The following KDM3A variants were observed in gnomAD, a reference collection of about 807,000 sequenced individuals.
KDM3A encodes the protein lysine demethylase 3A, also known as lysine-specific demethylase 3A.
A neutral mutation model predicts 158.0 loss-of-function variants in KDM3A; 60 were observed. The ratio of observed to expected loss-of-function variants is 0.38; its 90% CI spans 0.31 to 0.47. The LOEUF is 0.47. Among genes scored for constraint, KDM3A ranks in the 20% least tolerant of loss-of-function variants. The probability of loss-of-function intolerance (pLI) is 0.99; values close to 1 mark genes in which losing one functional copy is unlikely to be tolerated. For synonymous variants in KDM3A, 608 were observed against 549.3 expected, an observed-to-expected ratio of 1.11 and a Z score of -1.49; for missense variants, 1,319 against 1,574.3, an observed-to-expected ratio of 0.84 and a Z score of 2.74.
intron 8 of KDM3A, among the ~76,000 whole-genome samples, chr2:86,461,189 C>T (rs1235143820): frequency 6.6e-6 from 1 of 152,112 alleles, no homozygotes; most frequent in East Asian, 1.9e-4. Flanking sequence ...ACACCAAAAT[C>T]CAGTACTCTT....
intron 1 of KDM3A, among the ~76,000 whole-genome samples, chr2:86,441,695 T>G (rs1221699735): frequency 3.3e-5 from 5 of 150,948 alleles, no homozygotes; most frequent in Admixed American, 3.3e-4. Context: ...ACCAGGGGCC[T>G]TTTCTTTTCG....
chr2:86,441,062 T>C (rs1682673799), upstream of KDM3A: 1 of 152,156 alleles, frequency 6.6e-6, no homozygotes, highest in Non-Finnish European at 1.5e-5. Context: ...TCGCGGGACT[T>C]TTTTTTTGCA....
chr2:86,462,103 T>A (rs1476147083), intron 8 of KDM3A, among the ~76,000 whole-genome samples: 2 of 152,036 alleles, frequency 1.3e-5, no homozygotes, highest in Admixed American at 1.3e-4. Flanking sequence ...ATGGTAGTAG[T>A]AGTGACATGA....
At chr2:86,472,770 G>A (rs749650271) in intron 11 of KDM3A, among the ~76,000 whole-genome samples, 1 of 152,112 alleles carries the variant, frequency 6.6e-6, no homozygotes, top group South Asian at 2.1e-4. Context: ...AATACTGAAG[G>A]CTTTCAGCAG....
chr2:86,466,831 A>G lies in KDM3A; in HGVS notation c.1467A>G (p.Val489=). The G allele has an allele frequency of 6.2e-7, 1 of 1,611,476 alleles. No individual in the cohort carries two copies. The highest frequency in any genetic ancestry group is 8.5e-7 in the Non-Finnish European group (1 of 1,178,960). The stretch of plus-strand genomic sequence containing the variant: ...CACAGAATTTAAAGGAATCTTCAGT[A>G]AAAGTAGATAATGAAAGCTGTTGTT... ...CRSQNLKESS[V]KVDNESCCSR... The change falls in exon 10 of 26, where the codon GTA becomes GTG. Residue 489 remains valine (V), a synonymous_variant. Coordinates refer to ENST00000312912, the MANE Select transcript of KDM3A (RefSeq NM_018433.6).
At chr2:86,455,064 T>G in intron 4 of KDM3A, 21 bp from the exon 5 acceptor site, 1 of 1,372,660 alleles carries the variant, frequency 7.3e-7, no homozygotes, top group Non-Finnish European at 1.0e-6. Flanking sequence ...CCTTAACATG[T>G]AATGATCTTT....
intron 9 of KDM3A, among the ~76,000 whole-genome samples, chr2:86,465,843 C>G (rs773406230): frequency 2.7e-5 from 4 of 146,910 alleles, no homozygotes; most frequent in Non-Finnish European, 5.9e-5. Flanking sequence ...TGACTCTTGG[C>G]AAGTAGCAAG....
chr2:86,489,525 C>G lies in KDM3A; in HGVS notation c.3439C>G (p.Leu1147Val), dbSNP rs1573215545. 5 of 1,613,234 alleles carry G rather than the reference C, an allele frequency of 3.1e-6. No individual in the cohort carries two copies. The East Asian group carries it at 1.1e-4, about 36-fold the overall frequency. ...GCTTTCTCTTCTTGCTCTAGAAGTC[C>G]TTAAGACCATCCAAGATGGAGATTC... Reference protein sequence around the residue: ...KGQCEQEEEVLKTIQDGDSDE... With the variant: ...KGQCEQEEEVVKTIQDGDSDE... The change falls in exon 23 of 26, where the codon CTT becomes GTT. Residue 1147 changes from leucine to valine, a missense_variant. Coordinates refer to ENST00000312912, the MANE Select transcript of KDM3A (RefSeq NM_018433.6).
intron 4 of KDM3A, among the ~76,000 whole-genome samples, chr2:86,453,971 A>G (rs1352856978): frequency 6.6e-6 from 1 of 152,170 alleles, no homozygotes; most frequent in East Asian, 1.9e-4. Flanking sequence ...TCCTATTGAC[A>G]GTTTCTGTAT....
chr2:86,477,751 A>AT, intron 12 of KDM3A, 126 bp from the exon 13 acceptor site: 1 of 852,002 alleles, frequency 1.2e-6, no homozygotes, highest in South Asian at 1.8e-5. Context: ...AGCATTTGCA[A>AT]TGAAGCCTGA....
Position 86,485,722 on chromosome 2 carries a change from G to T in KDM3A, c.3183-7G>T, listed in dbSNP as rs747460170. 4 of 1,613,200 alleles carry T rather than the reference G, an allele frequency of 2.5e-6. No individual in the cohort carries two copies. The highest frequency in any genetic ancestry group is 3.4e-6 in the Non-Finnish European group (4 of 1,179,242). On this transcript the variant is annotated splice_polypyrimidine_tract_variant and splice_region_variant and intron_variant, in intron 20 of 25. Transcript: ENST00000312912. ...AACTTTGCAAATTCCTGGTTCTGTT[G>T]TTCTAGGTTTGATGATCTGATGGCC...
rs745590738 is a variant in KDM3A, at chr2:86,451,210, A to G, written c.450A>G (p.Ile150Met). ...TTTCTAAAGACCTTTTGAAGCCTAT[A>G]CAGGTAAAACATAGAAACAGTAGTA... Reference protein sequence around the residue: ...VFLSKDLLKPIQDVNSLRLSL... With the variant: ...VFLSKDLLKPMQDVNSLRLSL... Residue 150 changes from isoleucine (I) to methionine (M), a missense_variant, in exon 4 of 26, where the codon ATA (isoleucine) becomes ATG (methionine). Around this residue, in one of 4 missense-constraint regions of KDM3A, gnomAD observed 652 missense variants for 627.2 expected, o/e 1.04. Transcript: ENST00000312912. The G allele has an allele frequency of 1.2e-5, 18 of 1,563,772 alleles. No homozygotes were observed. In the Middle Eastern group the frequency reaches 5.1e-4, roughly 44 times the overall value.
Position 86,451,208 on chromosome 2 carries a change from A to C in KDM3A, c.448A>C (p.Ile150Leu). 1 of 1,578,270 alleles carries C rather than the reference A, an allele frequency of 6.3e-7. No homozygotes were observed. Among genetic ancestry groups the C allele is most frequent in the Non-Finnish European group, 8.6e-7 (1 of 1,158,368 alleles). ...VFLSKDLLKP[I>L]QDVNSLRLSL... ...TCTTTCTAAAGACCTTTTGAAGCCT[A>C]TACAGGTAAAACATAGAAACAGTAG... The change falls in exon 4 of 26, where the codon ATA (isoleucine) becomes CTA (leucine). Residue 150 changes from isoleucine to leucine, a missense_variant. Ile to Leu is a conservative substitution (Grantham distance 5). Around this residue, in one of 4 missense-constraint regions of KDM3A, gnomAD observed 652 missense variants for 627.2 expected, o/e 1.04. Transcript: ENST00000312912.
chr2:86,462,072 C>T (rs1357012120), intron 8 of KDM3A, among the ~76,000 whole-genome samples: 1 of 151,914 alleles, frequency 6.6e-6, no homozygotes, highest in Non-Finnish European at 1.5e-5. Flanking sequence ...TTGGTTAGGA[C>T]ATGTGTAGCT....
chr2:86,459,052 A>G (rs1672819435), intron 8 of KDM3A, among the ~76,000 whole-genome samples: 2 of 152,304 alleles, frequency 1.3e-5, no homozygotes, highest in Non-Finnish European at 1.5e-5. Context: ...AATCTAGCTA[A>G]TGAAGTAGGT....
At chr2:86,482,848 GC>G (rs1364268490) in intron 18 of KDM3A, 154 bp downstream of exon 18, 2 of 722,732 alleles carry the variant, frequency 2.8e-6, no homozygotes, top group Non-Finnish European at 4.6e-6. Flanking sequence ...TCAGGATGTG[GC>G]CATGGGTCTT....
At chr2:86,476,823 T>G (rs1673676965) in intron 12 of KDM3A, among the ~76,000 whole-genome samples, 2 of 152,334 alleles carry the variant, frequency 1.3e-5, no homozygotes, top group South Asian at 4.1e-4. Context: ...AACTAAAGCT[T>G]GGTCATTTGG....
At chr2:86,451,652 A>G (rs963650663) in intron 4 of KDM3A, among the ~76,000 whole-genome samples, 1 of 152,180 alleles carries the variant, frequency 6.6e-6, no homozygotes, top group Non-Finnish European at 1.5e-5. Context: ...TGCACAGTCC[A>G]CAACTGTGTT....
chr2:86,451,106 T>C lies in KDM3A; in HGVS notation c.346T>C (p.Tyr116His). 1 of 1,599,772 alleles carries C rather than the reference T, an allele frequency of 6.3e-7. No homozygotes were observed. Among genetic ancestry groups the C allele is most frequent in the East Asian group, 2.2e-5 (1 of 44,612 alleles). The change falls in exon 4 of 26, where the codon TAC (tyrosine) becomes CAC (histidine). Residue 116 changes from tyrosine (Y) to histidine (H), a missense_variant. Transcript: ENST00000312912. ...AAAGTGTTTTCTTTTGTTTTAGACGTACAAACCTCTGTTGGACAAAGCTGG... is the reference window on the plus strand; with the variant it reads ...AAAGTGTTTTCTTTTGTTTTAGACGCACAAACCTCTGTTGGACAAAGCTGG... ...ERIVQWPAIT[Y>H]KPLLDKAGLG...
Sources: allele counts gnomAD v4.1 joint callset (sites outside exome capture counted in the v4.1 genomes callset), GRCh38; gene constraint gnomAD v4.1.1; regional missense constraint gnomAD v4.1.1; transcripts MANE v1.5; gene names NCBI Gene and HGNC (gene_info 2026-07-23, HGNC 2026-07-21).